PUDP: variants seen among roughly 807,000 people sequenced by gnomAD.
PUDP encodes the protein pseudouridine-5'-phosphatase.
Under a neutral mutation model 9.4 loss-of-function variants are expected in PUDP, and 8 were observed. The observed-to-expected ratio is 0.85, with a 90% CI of 0.50 to 1.53. The LOEUF (loss-of-function observed/expected upper bound fraction) is 1.53, where lower values mean the gene tolerates loss of function less well. Among genes scored for constraint, PUDP ranks in the 40% most tolerant of loss-of-function variants. The pLI is 0.00. For synonymous variants in PUDP, 99 were observed against 80.7 expected (o/e 1.23, Z -1.22); for missense variants, 188 against 189.7 (o/e 0.99, Z 0.05).
rs17326002 is a variant in PUDP, at chrX:7,078,753, C to A, written c.281-1304G>T. On this transcript the variant is annotated intron_variant, in intron 2 of 3. Transcript: ENST00000381077. ...GGTAACAGATATCTGGAGCACCTGA[C>A]CCTCTAAAGATTTTTAAAAGGAAGG... 6.9e-3 allele frequency among the ~76,000 whole-genome samples: 774 copies of A among 112,022 alleles called. 7 individuals carry two copies. The highest frequency in any genetic ancestry group is 0.012 in the Non-Finnish European group (656 of 53,258).
chrX:6,960,612 A>C (rs1377615154), intron 3 of PUDP, among the ~76,000 whole-genome samples: 4 of 112,300 alleles, frequency 3.6e-5, no homozygotes, highest in African/African-American at 1.3e-4. Context: ...ATAGCAGCAC[A>C]AATCAGTCTA....
chrX:6,708,019 G>A (rs1240701401), intron 1 of PUDP, among the ~76,000 whole-genome samples: 1 of 111,687 alleles, frequency 9.0e-6, no homozygotes, highest in Non-Finnish European at 1.9e-5. Context: ...AAACTTGGGT[G>A]GGATTTCCTG....
intron 2 of PUDP, among the ~76,000 whole-genome samples, chrX:7,095,520 T>C (rs1225584409): frequency 8.9e-6 from 1 of 112,216 alleles, no homozygotes; most frequent in African/African-American, 3.2e-5. Context: ...CTGTCCATCT[T>C]AATGAGACTC....
intron 3 of PUDP, among the ~76,000 whole-genome samples, chrX:6,885,408 C>G (rs1927407318): frequency 1.8e-5 from 2 of 111,846 alleles, no homozygotes; most frequent in Admixed American, 9.5e-5. Flanking sequence ...TGAAACAGGT[C>G]TAGACTTTGA....
At chrX:7,035,243 T>C (rs1569143293) in intron 1 of PUDP, among the ~76,000 whole-genome samples, 1 of 112,038 alleles carries the variant, frequency 8.9e-6, no homozygotes, top group East Asian at 2.8e-4. Context: ...TTACTAAATA[T>C]TCTTAAAATG....
chrX:7,128,331 C>A (rs760427007), intron 1 of PUDP, among the ~76,000 whole-genome samples: 1 of 112,018 alleles, frequency 8.9e-6, no homozygotes, highest in African/African-American at 3.2e-5. Context: ...TGTGTGCCAC[C>A]ACGCCCGGCC....
chrX:7,133,269 G>C (rs1376536727), intron 1 of PUDP, among the ~76,000 whole-genome samples: 1 of 111,708 alleles, frequency 9.0e-6, no homozygotes, highest in African/African-American at 3.3e-5. Context: ...AAAGAGGTGA[G>C]GCCCAGCCAG....
chrX:6,956,472 A>G (rs1278667661), intron 3 of PUDP, among the ~76,000 whole-genome samples: 4 of 111,122 alleles, frequency 3.6e-5, no homozygotes, highest in Non-Finnish European at 5.7e-5. Flanking sequence ...ACAGATATGT[A>G]ATATATCTGT....
rs960428300 is a variant in PUDP, at chrX:6,744,899, C to A, written c.*248-38433G>T. ...ACGATCTCAATAGAAAAATATTAAA[C>A]GAAATATTAATCATCATAATAAATA... On this transcript the variant is annotated intron_variant and NMD_transcript_variant, in intron 3 of 3. Transcript: ENST00000655425. Among the ~76,000 whole-genome samples the A allele has an allele frequency of 2.7e-5, 3 of 111,708 alleles. No homozygotes were observed. In the South Asian group the frequency reaches 1.1e-3, roughly 41 times the overall value.
In PUDP at chrX:6,977,436, TG is replaced by T. The variant is rs576094261; in HGVS notation, c.*138-195del. Among the ~76,000 whole-genome samples the T allele has an allele frequency of 2.7e-5, 3 of 112,440 alleles. No individual in the cohort carries two copies. In the South Asian group the frequency reaches 1.1e-3, roughly 42 times the overall value. On this transcript the variant is annotated intron_variant and NMD_transcript_variant, in intron 2 of 3. Transcript: ENST00000655425. ...TGTTCTCCATAATAAAGACCATTTC[TG>T]TGTTGACATGTACCTCTTCTAGTTT...
chrX:6,853,762 T>C (rs1926864217), intron 3 of PUDP, among the ~76,000 whole-genome samples: 1 of 111,504 alleles, frequency 9.0e-6, no homozygotes, highest in Admixed American at 9.6e-5. Flanking sequence ...TTACAGAGCA[T>C]GTTTTTAAAT....
intron 3 of PUDP, among the ~76,000 whole-genome samples, chrX:6,850,459 T>C (rs1157368716): frequency 8.9e-6 from 1 of 112,376 alleles, no homozygotes; most frequent in South Asian, 3.7e-4. Context: ...CAACACCAAT[T>C]TGTCATAGAT....
At chrX:6,969,093 G>A (rs924280550) in intron 3 of PUDP, among the ~76,000 whole-genome samples, 7 of 112,356 alleles carry the variant, frequency 6.2e-5, no homozygotes, top group Admixed American at 1.9e-4. Context: ...ACAGACAGGG[G>A]GCCAAGCCTC....
Position 7,077,303 on chromosome X carries a change from G to A in PUDP, c.427C>T (p.Pro143Ser). The A allele has an allele frequency of 8.3e-7, 1 of 1,210,069 alleles. No individual in the cohort carries two copies. The highest frequency in any genetic ancestry group is 1.8e-5 in the South Asian group (1 of 56,567). Reference sequence around the variant, plus strand: ...TCTGGCTTGCCATGCTGCACTTCGGGGTCATCTCCCAGCACAATGTGGGAA... The same window carrying A: ...TCTGGCTTGCCATGCTGCACTTCGGAGTCATCTCCCAGCACAATGTGGGAA... Reference protein sequence around the residue: ...LFSHIVLGDDPEVQHGKPDPD... With the variant: ...LFSHIVLGDDSEVQHGKPDPD... Residue 143 changes from proline to serine, a missense_variant, in exon 3 of 4, where the codon CCC becomes TCC. By Grantham distance (74) the Pro-to-Ser change is moderately conservative. Coordinates refer to ENST00000381077, the MANE Select transcript of PUDP (RefSeq NM_012080.5).
At chrX:6,739,090 G>C (rs745544289) in intron 3 of PUDP, among the ~76,000 whole-genome samples, 1 of 111,729 alleles carries the variant, frequency 9.0e-6, no homozygotes, top group African/African-American at 3.2e-5. Context: ...CTATTTGCAT[G>C]TTCTTTTCCT....
At chrX:7,029,489 C>T (rs1312400864) in intron 1 of PUDP, among the ~76,000 whole-genome samples, 2 of 112,433 alleles carry the variant, frequency 1.8e-5, no homozygotes, top group Non-Finnish European at 3.8e-5. Context: ...GGGGAGGAAT[C>T]GAACATATCA....
intron 3 of PUDP, among the ~76,000 whole-genome samples, chrX:6,963,590 A>G (rs1928738627): frequency 8.9e-6 from 1 of 111,962 alleles, no homozygotes; most frequent in African/African-American, 3.2e-5. Flanking sequence ...AGGGGCTGAC[A>G]TAAGAGAAAA....
intron 3 of PUDP, among the ~76,000 whole-genome samples, chrX:6,745,743 G>A (rs1484489512): frequency 4.5e-5 from 5 of 111,653 alleles, no homozygotes; most frequent in Non-Finnish European, 7.5e-5. Flanking sequence ...TCCTGGGCAT[G>A]AGCAATCTTC....
At chrX:7,067,042 C>T (rs1253340744) in intron 3 of PUDP, among the ~76,000 whole-genome samples, 1 of 112,108 alleles carries the variant, frequency 8.9e-6, no homozygotes, top group Non-Finnish European at 1.9e-5. Flanking sequence ...GGGCACAGTG[C>T]CATCCTGGAA....
Sources: gnomAD v4.1 joint callset for allele counts (sites outside exome capture counted in the v4.1 genomes callset) on GRCh38, gnomAD v4.1.1 for gene constraint, MANE v1.5 for transcripts, NCBI Gene and HGNC (gene_info 2026-07-23, HGNC 2026-07-21) for gene names.